DYNC2H1: variants seen among roughly 807,000 people sequenced by gnomAD.
The protein encoded by DYNC2H1 is cytoplasmic dynein 2 heavy chain 1.
A neutral mutation model predicts 570.0 loss-of-function variants in DYNC2H1; 410 were observed. That is an observed-to-expected ratio of 0.72 (90% CI 0.66 to 0.78). DYNC2H1 has a LOEUF of 0.78. Among genes scored for constraint, DYNC2H1 ranks in the 30% least tolerant of loss-of-function variants. The pLI is 0.00. For missense variants in DYNC2H1, 4,865 were observed against 5,046.4 expected, an observed-to-expected ratio of 0.96 and a Z score of 1.09; for synonymous variants, 1,688 against 1,677.6, an observed-to-expected ratio of 1.01 and a Z score of -0.15.
intron 87 of DYNC2H1, among the ~76,000 whole-genome samples, chr11:103,467,633 A>G (rs1591801759): frequency 6.6e-6 from 1 of 151,870 alleles, no homozygotes; most frequent in Non-Finnish European, 1.5e-5. Context: ...CGCTTCCCGG[A>G]TTCACTCCAT....
intron 77 of DYNC2H1, among the ~76,000 whole-genome samples, chr11:103,307,132 A>G (rs1867326339): frequency 6.6e-6 from 1 of 152,226 alleles, no homozygotes; most frequent in South Asian, 2.1e-4. Context: ...AAAGATAGTC[A>G]TAAGAGTCTG....
chr11:103,275,393 G>T lies in DYNC2H1; in HGVS notation c.10696-4955G>T, dbSNP rs1865868767. ...TAGTTTACATTAAAGTTCACTCTTG[G>T]TATTGTACCTTATATGGATTTTGAG... is the stretch of plus-strand genomic sequence containing the variant. On this transcript the variant is annotated intron_variant, in intron 70 of 88. Coordinates refer to ENST00000375735, the MANE Select transcript of DYNC2H1 (RefSeq NM_001377.3). This position sits in a 1 kb window ranked among gnomAD's most constrained non-coding sequence, Gnocchi z 4.8. Among the ~76,000 whole-genome samples, 1 of 152,048 alleles carries T rather than the reference G, an allele frequency of 6.6e-6. No homozygotes were observed. The highest frequency in any genetic ancestry group is 2.1e-4 in the South Asian group (1 of 4,824).
At chr11:103,429,450 TCTGTACTG>T (rs1943809412) in intron 84 of DYNC2H1, among the ~76,000 whole-genome samples, 1 of 115,460 alleles carries the variant, frequency 8.7e-6, no homozygotes, top group Non-Finnish European at 1.7e-5. Flanking sequence ...TAATCCTTTT[TCTGTACTG>T]ATAAAAAAAA....
intron 22 of DYNC2H1, among the ~76,000 whole-genome samples, chr11:103,153,884 C>T (rs1860686861): frequency 6.6e-6 from 1 of 151,584 alleles, no homozygotes; most frequent in Non-Finnish European, 1.5e-5. Context: ...TAAAAAACTT[C>T]AAAGAAAAAA....
intron 83 of DYNC2H1, among the ~76,000 whole-genome samples, chr11:103,389,253 T>C (rs1942029966): frequency 6.6e-6 from 1 of 152,216 alleles, no homozygotes; most frequent in African/African-American, 2.4e-5. Context: ...TCGAGGAATT[T>C]ATCCATTTCT....
chr11:103,179,890 A>G (rs1861781305), intron 39 of DYNC2H1, among the ~76,000 whole-genome samples: 1 of 151,594 alleles, frequency 6.6e-6, no homozygotes, highest in African/African-American at 2.4e-5. Context: ...TAAGTAAGAA[A>G]CTTTTATTTT....
rs1171323486 is a variant in DYNC2H1 at position 103,159,040 on chromosome 11, A to G, written c.4378+13A>G. 1 of 1,591,480 alleles carries G rather than the reference A, an allele frequency of 6.3e-7. No homozygotes were observed. Among genetic ancestry groups the G allele is most frequent in the African/African-American group, 1.3e-5 (1 of 74,540 alleles). ...AAGCTTTTTGCTGGTAGGATTCAAC[A>G]TTTATTTAACAGATATTTATTGAGT... On this transcript the variant is annotated intron_variant, in intron 28 of 88. Transcript: ENST00000375735.
intron 84 of DYNC2H1, among the ~76,000 whole-genome samples, chr11:103,424,610 G>A (rs497831): frequency 0.56 from 84,204 of 151,490 alleles, 24,011 homozygotes; most frequent in East Asian, 0.71. Flanking sequence ...TAAAATTGGA[G>A]TGCTACTCAG....
intron 54 of DYNC2H1, among the ~76,000 whole-genome samples, chr11:103,214,271 C>A (rs1465523033): frequency 1.3e-5 from 2 of 151,954 alleles, no homozygotes; most frequent in Non-Finnish European, 2.9e-5. Flanking sequence ...TAGCTTTGTT[C>A]TTTTTGCTCA....
At chr11:103,339,967 C>T (rs1171372921) in intron 82 of DYNC2H1, among the ~76,000 whole-genome samples, 1 of 152,154 alleles carries the variant, frequency 6.6e-6, no homozygotes, top group East Asian at 1.9e-4. Flanking sequence ...AATGCAGTAT[C>T]CCACACTCAC....
intron 85 of DYNC2H1, among the ~76,000 whole-genome samples, chr11:103,442,316 A>G (rs1289460967): frequency 6.6e-6 from 1 of 152,116 alleles, no homozygotes; most frequent in African/African-American, 2.4e-5. Context: ...ATATGTTAAT[A>G]TTAGAATTAC....
intron 80 of DYNC2H1, among the ~76,000 whole-genome samples, chr11:103,317,672 T>C (rs1207771636): frequency 1.3e-5 from 2 of 152,110 alleles, no homozygotes; most frequent in Admixed American, 1.3e-4. Context: ...TAGGTGTTCT[T>C]CCTTCGGTCT....
chr11:103,176,220 G>T lies in DYNC2H1; in HGVS notation c.5675-15G>T. The T allele has an allele frequency of 6.9e-7, 1 of 1,455,206 alleles. No individual in the cohort carries two copies. Among genetic ancestry groups the T allele is most frequent in the South Asian group, 1.6e-5 (1 of 64,124 alleles). The allele number at this position is 1,455,206 out of a possible 1,614,324, so 90.1% of individuals were successfully genotyped here. On this transcript the variant is annotated splice_polypyrimidine_tract_variant and intron_variant, in intron 36 of 88. Transcript: ENST00000375735. ...AAGTAATAATAAATAATTTTAAAAT[G>T]AAACTTTTTTCTAGCTAATGAAAGT... is the stretch of plus-strand genomic sequence containing the variant.
Position 103,369,299 on chromosome 11 carries a change from C to T in DYNC2H1, c.12156+10940C>T, listed in dbSNP as rs11225749. Among the ~76,000 whole-genome samples, 10,455 of 152,216 alleles carry T rather than the reference C, an allele frequency of 0.069. 376 individuals carry two copies. The highest frequency in any genetic ancestry group is 0.077 in the Non-Finnish European group (5,229 of 68,016). On this transcript the variant is annotated intron_variant, in intron 83 of 88. Coordinates refer to ENST00000375735, the MANE Select transcript of DYNC2H1 (RefSeq NM_001377.3). The surrounding 1 kb of genome is among the most constrained non-coding windows in gnomAD (Gnocchi z 4.0). The stretch of plus-strand genomic sequence containing the variant: ...ACCAGAGAGGATTCCCAGATGCTGG[C>T]GGCAGGAACCTGAGTTCTTGCAAGC...
rs760430612 is a variant in DYNC2H1, at chr11:103,319,214, A to C, written c.11726-1815A>C. Among the ~76,000 whole-genome samples the C allele has an allele frequency of 6.6e-5, 10 of 152,190 alleles. No homozygotes were observed. The highest frequency in any genetic ancestry group is 1.3e-4 in the Non-Finnish European group (9 of 67,994). On this transcript the variant is annotated intron_variant, in intron 80 of 88. Coordinates refer to ENST00000375735, the MANE Select transcript of DYNC2H1 (RefSeq NM_001377.3). This position sits in a 1 kb window ranked among gnomAD's most constrained non-coding sequence, Gnocchi z 4.3. Reference sequence around the variant, plus strand: ...ATAGATATATAAATAGGTATCTTACACCATTATGTTTTGAATAAAAGGCAG... The same window carrying C: ...ATAGATATATAAATAGGTATCTTACCCCATTATGTTTTGAATAAAAGGCAG...
At position 103,223,057 on chromosome 11, in the gene DYNC2H1, T is replaced by C; in HGVS notation, c.9324T>C (p.Pro3108=). Reference sequence around the variant, plus strand: ...CCCATGTCTTGGAACGAATTCATCCTTTGGAAACTGAACAGGCAGGATTAG... The same window carrying C: ...CCCATGTCTTGGAACGAATTCATCCCTTGGAAACTGAACAGGCAGGATTAG... ...QYSHVLERIH[P]LETEQAGLES... is the part of the protein sequence containing the mutation. The change falls in exon 59 of 89, where the codon CCT becomes CCC. Residue 3108 remains proline, a synonymous_variant. Coordinates refer to ENST00000375735, the MANE Select transcript of DYNC2H1 (RefSeq NM_001377.3). The C allele has an allele frequency of 2.5e-6, 4 of 1,612,990 alleles. No individual in the cohort carries two copies. Among genetic ancestry groups the C allele is most frequent in the Non-Finnish European group, 3.4e-6 (4 of 1,179,394 alleles).
At chr11:103,237,492 C>T (rs185043523) in intron 63 of DYNC2H1, among the ~76,000 whole-genome samples, 127 of 152,104 alleles carry the variant, frequency 8.3e-4, no homozygotes, top group Middle Eastern at 3.4e-3. Context: ...AAGTTGCTGA[C>T]CACTAATTGA....
At chr11:103,160,890 C>A in intron 28 of DYNC2H1, 42 bp from the exon 29 acceptor site, 1 of 1,173,322 alleles carries the variant, frequency 8.5e-7, no homozygotes, top group South Asian at 1.6e-5. Flanking sequence ...ATAATTATGT[C>A]TTTAATCCTT....
At chr11:103,418,596 G>A (rs1349714835) in intron 84 of DYNC2H1, among the ~76,000 whole-genome samples, 3 of 152,144 alleles carry the variant, frequency 2.0e-5, no homozygotes, top group African/African-American at 7.2e-5. Flanking sequence ...GCACTATGGA[G>A]AGGAATGAAA....
Sources: gnomAD v4.1 joint callset for allele counts (sites outside exome capture counted in the v4.1 genomes callset) on GRCh38, gnomAD v4.1.1 for gene constraint, Gnocchi (gnomAD v3.1) non-coding constraint, MANE v1.5 for transcripts, NCBI Gene and HGNC (gene_info 2026-07-23, HGNC 2026-07-21) for gene names.